The following CTNNA2 variants were observed in gnomAD, a reference collection of about 807,000 sequenced individuals.
CTNNA2 encodes the protein catenin alpha-2.
In CTNNA2, 42 loss-of-function variants were observed where a neutral mutation model predicts 101.0. The observed-to-expected ratio is 0.42, with a 90% CI of 0.32 to 0.54. The LOEUF is 0.54. Ranked by LOEUF, CTNNA2 falls within the 20% of genes least tolerant of loss-of-function variation. The probability of loss-of-function intolerance (pLI) is 0.14; values close to 1 mark genes in which losing one functional copy is unlikely to be tolerated. For missense variants in CTNNA2, 871 were observed against 1,223.1 expected (o/e 0.71, Z 4.29); for synonymous variants, 450 against 456.4 (o/e 0.99, Z 0.18).
chr2:79,616,909 CT>C (rs1425285033), intron 1 of CTNNA2, among the ~76,000 whole-genome samples: 1 of 146,424 alleles, frequency 6.8e-6, no homozygotes, highest in African/African-American at 2.7e-5. Context: ...TTCTTTCTTT[CT>C]TTTTTTTTCG....
At chr2:79,420,947 A>C (rs1678534366) in intron 4 of CTNNA2, among the ~76,000 whole-genome samples, 1 of 152,170 alleles carries the variant, frequency 6.6e-6, no homozygotes, top group Admixed American at 6.5e-5. Flanking sequence ...AGTAACTTCA[A>C]GTAGCATTTT....
intron 9 of CTNNA2, among the ~76,000 whole-genome samples, chr2:80,518,570 TACTC>T (rs1196016341): frequency 6.6e-6 from 1 of 152,208 alleles, no homozygotes; most frequent in Non-Finnish European, 1.5e-5. Flanking sequence ...TTGCCTGTGA[TACTC>T]AGTCTTCAGC....
At position 79,217,488 on chromosome 2, in the gene CTNNA2, C is replaced by G. The variant is rs149675699; in HGVS notation, c.-406+19412C>G. 1.0e-3 allele frequency among the ~76,000 whole-genome samples: 155 copies of G among 152,026 alleles called. 1 individual carries two copies. The East Asian group carries it at 0.028, about 28-fold the overall frequency. On this transcript the variant is annotated intron_variant, in intron 2 of 21. Transcript: ENST00000466387. ...AAAATTACAGTCAAAGGGGGGTTCT[C>G]TGGCGGGCAGGAGTGGGGGCCACAA...
At chr2:80,588,443 T>A (rs1015875386) in intron 14 of CTNNA2, among the ~76,000 whole-genome samples, 7 of 152,114 alleles carry the variant, frequency 4.6e-5, no homozygotes, top group Non-Finnish European at 8.8e-5. Context: ...CGCAACTCAA[T>A]TTTTTTGCTG....
intron 9 of CTNNA2, among the ~76,000 whole-genome samples, chr2:80,478,856 T>C (rs1685925686): frequency 6.6e-6 from 1 of 152,112 alleles, no homozygotes; most frequent in African/African-American, 2.4e-5. Context: ...TTTCTTTGGC[T>C]ATTTGGGTTT....
At chr2:80,608,030 G>A (rs1698166928) in intron 16 of CTNNA2, among the ~76,000 whole-genome samples, 154 bp from the exon 17 acceptor site, 1 of 151,866 alleles carries the variant, frequency 6.6e-6, no homozygotes, top group African/African-American at 2.4e-5. Flanking sequence ...TACAGTCTGT[G>A]GCCTTTCTAA....
chr2:80,502,408 C>T (rs956412212), intron 9 of CTNNA2, among the ~76,000 whole-genome samples: 9 of 152,190 alleles, frequency 5.9e-5, no homozygotes, highest in Admixed American at 1.3e-4. Flanking sequence ...TGCAGATGCA[C>T]CTGCCCACTC....
intron 4 of CTNNA2, among the ~76,000 whole-genome samples, chr2:79,482,710 C>T (rs1262099924): frequency 6.6e-6 from 1 of 152,102 alleles, no homozygotes; most frequent in Admixed American, 6.6e-5. Flanking sequence ...AGCATTCAGT[C>T]AGGGCAAAAT....
intron 7 of CTNNA2, among the ~76,000 whole-genome samples, chr2:80,064,881 G>T (rs1697864797): frequency 1.3e-5 from 2 of 152,168 alleles, no homozygotes; most frequent in African/African-American, 4.8e-5. Flanking sequence ...ACATTGAGAG[G>T]AATAGCAGGA....
intron 11 of CTNNA2, among the ~76,000 whole-genome samples, chr2:80,553,240 T>TA (rs1558579680): frequency 6.9e-6 from 1 of 144,904 alleles, no homozygotes; most frequent in African/African-American, 2.5e-5. Context: ...AAAAATAAAA[T>TA]AAAATAAAAT....
At chr2:80,404,689 G>T (rs1329863981) in intron 8 of CTNNA2, among the ~76,000 whole-genome samples, 4 of 152,140 alleles carry the variant, frequency 2.6e-5, no homozygotes, top group Non-Finnish European at 5.9e-5. Context: ...AGGGGTGGAA[G>T]GGACACTATG....
intron 1 of CTNNA2, among the ~76,000 whole-genome samples, chr2:79,567,046 A>G (rs923772930): frequency 2.0e-5 from 3 of 152,206 alleles, no homozygotes; most frequent in Non-Finnish European, 4.4e-5. Context: ...AAAGCATAAC[A>G]CATTCAATAA....
intron 3 of CTNNA2, among the ~76,000 whole-genome samples, chr2:79,850,475 CTTCCTAT>C (rs1680617969): frequency 6.6e-6 from 1 of 151,440 alleles, no homozygotes; most frequent in South Asian, 2.1e-4. Context: ...TGCTTCCTTC[CTTCCTAT>C]ACCCTGTAAA....
At chr2:79,690,067 T>A (rs1684188547) in intron 2 of CTNNA2, among the ~76,000 whole-genome samples, 1 of 152,040 alleles carries the variant, frequency 6.6e-6, no homozygotes, top group African/African-American at 2.4e-5. Flanking sequence ...TTTCTAAATC[T>A]GATGAAAGCC....
intron 15 of CTNNA2, among the ~76,000 whole-genome samples, chr2:80,592,286 T>C (rs1248693737): frequency 6.6e-6 from 1 of 152,180 alleles, no homozygotes; most frequent in Non-Finnish European, 1.5e-5. Flanking sequence ...AGCGCTTTAC[T>C]GGTCTTTCAG....
rs56921519 is a variant in CTNNA2 at position 80,601,421 on chromosome 2, C to CTTTTTTTTTTTT, written c.2190-2649_2190-2638dup. 6.5e-3 allele frequency among the ~76,000 whole-genome samples: 544 copies of CTTTTTTTTTTTT among 84,184 alleles called. 19 individuals are homozygous for CTTTTTTTTTTTT. The highest frequency in any genetic ancestry group is 0.024 in the African/African-American group (505 of 20,806). The allele number at this position is 84,184 out of a possible 152,430, so 55.2% of individuals were successfully genotyped here. A position where few individuals can be genotyped will look rare whatever the true frequency, so the allele number is the denominator to read the frequency against. On this transcript the variant is annotated intron_variant, in intron 15 of 18. Coordinates refer to ENST00000402739, the MANE Select transcript of CTNNA2 (RefSeq NM_001282597.3). ...TAATGACTTTTTTCTTTCTTTCTTT[C>CTTTTTTTTTTTT]TTTTTTTTTTTTTTTGATGAGTTCT...
chr2:80,052,964 C>CT (rs1166265348), intron 7 of CTNNA2, among the ~76,000 whole-genome samples: 1 of 152,098 alleles, frequency 6.6e-6, no homozygotes, highest in Non-Finnish European at 1.5e-5. Flanking sequence ...ATATCTTTTT[C>CT]TTTTTTGTCA....
chr2:80,416,937 C>A (rs936463786), intron 8 of CTNNA2, among the ~76,000 whole-genome samples: 1 of 151,866 alleles, frequency 6.6e-6, no homozygotes, highest in Non-Finnish European at 1.5e-5. Flanking sequence ...TGGCATAAAT[C>A]TTTACTATTA....
intron 7 of CTNNA2, among the ~76,000 whole-genome samples, chr2:80,105,573 C>A (rs1700831160): frequency 6.6e-6 from 1 of 151,950 alleles, no homozygotes; most frequent in South Asian, 2.1e-4. Context: ...AGAATAACAA[C>A]AACAGCAACA....
Sources: gnomAD v4.1 joint callset for allele counts (sites outside exome capture counted in the v4.1 genomes callset) on GRCh38, gnomAD v4.1.1 for gene constraint, MANE v1.5 for transcripts, NCBI Gene and HGNC (gene_info 2026-07-23, HGNC 2026-07-21) for gene names.